Variants in ATP11A observed in about 807,000 individuals in gnomAD.
ATP11A encodes the protein phospholipid-transporting ATPase IH.
Under a neutral mutation model 154.4 loss-of-function variants are expected in ATP11A, and 81 were observed. The observed-to-expected ratio is 0.52, with a 90% confidence interval of 0.44 to 0.63. The LOEUF (loss-of-function observed/expected upper bound fraction) is 0.63, where lower values mean the gene tolerates loss of function less well. ATP11A is among the 30% of genes least tolerant of loss of function. ATP11A has a pLI of 0.00. For synonymous variants in ATP11A, 623 were observed against 585.9 expected, an observed-to-expected ratio of 1.06 and a Z score of -0.91; for missense variants, 1,316 against 1,474.3, an observed-to-expected ratio of 0.89 and a Z score of 1.76.
chr13:112,763,839 C>T (rs560452336), intron 1 of ATP11A, among the ~76,000 whole-genome samples: 4 of 152,262 alleles, frequency 2.6e-5, no homozygotes, highest in East Asian at 1.9e-4. Flanking sequence ...GCCAAACCAA[C>T]GCCACCTTCC....
intron 1 of ATP11A, among the ~76,000 whole-genome samples, chr13:112,704,744 T>A (rs1224886793): frequency 6.6e-6 from 1 of 152,242 alleles, no homozygotes; most frequent in African/African-American, 2.4e-5. Context: ...GGGAAGGAAG[T>A]GGCTGCCTAA....
At chr13:112,815,600 T>C (rs534391889) in intron 5 of ATP11A, among the ~76,000 whole-genome samples, 3 of 152,352 alleles carry the variant, frequency 2.0e-5, no homozygotes, top group Non-Finnish European at 2.9e-5. Flanking sequence ...AAAACCCACA[T>C]GATCAACTTT....
Position 112,730,207 on chromosome 13 carries a change from C to T in ATP11A, c.39+39752C>T, listed in dbSNP as rs551503642. On this transcript the variant is annotated intron_variant, in intron 1 of 29. Transcript: ENST00000375645. ...GCATCCTGCAGTCACATGGCAAGGG[C>T]GACCTCGGAGGAGTCCAATCTGCCA... is the stretch of plus-strand genomic sequence containing the variant. 1.5e-3 allele frequency among the ~76,000 whole-genome samples: 227 copies of T among 152,306 alleles called. 2 individuals carry two copies. Among genetic ancestry groups the T allele is most frequent in the African/African-American group, 5.2e-3 (216 of 41,566 alleles).
intron 12 of ATP11A, among the ~76,000 whole-genome samples, chr13:112,829,887 TACC>T (rs2079041585): frequency 6.6e-6 from 1 of 152,216 alleles, no homozygotes; most frequent in Non-Finnish European, 1.5e-5. Context: ...TGATTCTATA[TACC>T]AGACAAGAAA....
chr13:112,729,290 CTT>C (rs1354341909), intron 1 of ATP11A, among the ~76,000 whole-genome samples: 1 of 152,250 alleles, frequency 6.6e-6, no homozygotes, highest in Admixed American at 6.5e-5. Context: ...TTTTATCACT[CTT>C]TACTACGTTT....
At chr13:112,784,700 T>C (rs1257751816) in intron 1 of ATP11A, among the ~76,000 whole-genome samples, 2 of 152,122 alleles carry the variant, frequency 1.3e-5, no homozygotes, top group South Asian at 2.1e-4. Flanking sequence ...TTTTTTGTAT[T>C]TTTTAGTAGA....
chr13:112,815,739 G>A (rs553854044), intron 5 of ATP11A, among the ~76,000 whole-genome samples: 1 of 152,192 alleles, frequency 6.6e-6, no homozygotes, highest in Non-Finnish European at 1.5e-5. Flanking sequence ...TCGATTACCT[G>A]GTTCATAAAA....
chr13:112,781,838 A>G (rs1359353362), intron 1 of ATP11A, among the ~76,000 whole-genome samples: 1 of 151,434 alleles, frequency 6.6e-6, no homozygotes, highest in Non-Finnish European at 1.5e-5. Flanking sequence ...CAACACAAAG[A>G]GCTCCCTTTG....
intron 1 of ATP11A, among the ~76,000 whole-genome samples, chr13:112,740,423 C>T (rs1371793106): frequency 3.3e-5 from 5 of 152,190 alleles, no homozygotes; most frequent in African/African-American, 1.2e-4. Context: ...ATCCACCCAC[C>T]TCAGCCTCCC....
At chr13:112,702,447 C>A (rs542024603) in intron 1 of ATP11A, among the ~76,000 whole-genome samples, 3 of 152,282 alleles carry the variant, frequency 2.0e-5, no homozygotes, top group African/African-American at 7.2e-5. Flanking sequence ...GAAGCAGAGC[C>A]TCGGAAGGCG....
chr13:112,821,587 A>G (rs2078799005), intron 8 of ATP11A, among the ~76,000 whole-genome samples: 1 of 152,206 alleles, frequency 6.6e-6, no homozygotes, highest in Non-Finnish European at 1.5e-5. Flanking sequence ...TTGGGATTAT[A>G]GGCATGAGCC....
chr13:112,758,422 C>CT (rs958834689), intron 1 of ATP11A, among the ~76,000 whole-genome samples: 13 of 148,394 alleles, frequency 8.8e-5, no homozygotes, highest in East Asian at 2.0e-4. Flanking sequence ...CTTTTTTTTT[C>CT]TTTTTTTTCT....
intron 1 of ATP11A, among the ~76,000 whole-genome samples, chr13:112,744,303 GTA>G: frequency 6.6e-6 from 1 of 151,370 alleles, no homozygotes; most frequent in African/African-American, 2.5e-5. Flanking sequence ...GTGTGATGGA[GTA>G]TGGTGTTCTG....
At chr13:112,873,939 A>G (rs2080631443) in intron 27 of ATP11A, among the ~76,000 whole-genome samples, 1 of 152,212 alleles carries the variant, frequency 6.6e-6, no homozygotes, top group African/African-American at 2.4e-5. Flanking sequence ...ACGGAGGAAC[A>G]GACCAGGATT....
chr13:112,703,885 C>T lies in ATP11A; in HGVS notation c.39+13430C>T, dbSNP rs182851561. On this transcript the variant is annotated intron_variant, in intron 1 of 29. Coordinates refer to ENST00000375645, the MANE Select transcript of ATP11A (RefSeq NM_015205.3). The stretch of plus-strand genomic sequence containing the variant: ...AGATGTTAGGGTTTACATCACAAAA[C>T]GGGATTGGGCCTGTCTGCTCAGTAA... Among the ~76,000 whole-genome samples the T allele has an allele frequency of 1.9e-4, 29 of 152,256 alleles. No individual in the cohort carries two copies. In the East Asian group the frequency reaches 4.1e-3, roughly 21 times the overall value.
intron 2 of ATP11A, among the ~76,000 whole-genome samples, chr13:112,790,809 G>A (rs189115308): frequency 2.0e-5 from 3 of 152,186 alleles, no homozygotes; most frequent in Admixed American, 6.5e-5. Flanking sequence ...CATTTTTAAA[G>A]AATATTTTAC....
Position 112,859,397 on chromosome 13 carries a change from TC to T in ATP11A, c.2673del (p.Cys892AlafsTer26). ...CAGTTATGCCTTGCCTTTCAGAACG[TC>T]TGCTTCATCTTCCCTCAGTTTTTAT... ...ELVQYFFYKN[V>X]CFIFPQFLYQ... On this transcript the variant is annotated frameshift_variant, in exon 23 of 30. Coordinates refer to ENST00000375645, the MANE Select transcript of ATP11A (RefSeq NM_015205.3). This position sits in a 1 kb window ranked among gnomAD's most constrained non-coding sequence, Gnocchi z 4.3. 6.2e-7 allele frequency: 1 copy of T among 1,614,044 alleles called. No homozygotes were observed. The highest frequency in any genetic ancestry group is 8.5e-7 in the Non-Finnish European group (1 of 1,179,908).
intron 1 of ATP11A, among the ~76,000 whole-genome samples, chr13:112,702,293 C>T (rs1249393992): frequency 1.5e-4 from 22 of 146,474 alleles, no homozygotes; most frequent in African/African-American, 5.2e-4. Context: ...TTGCAGTGAG[C>T]CGAGATCGCA....
intron 1 of ATP11A, among the ~76,000 whole-genome samples, chr13:112,743,377 T>C (rs528376160): frequency 1.2e-4 from 18 of 152,296 alleles, no homozygotes; most frequent in African/African-American, 2.9e-4. Context: ...CTGCTAGCAC[T>C]GACGGCATAG....
Sources: gnomAD v4.1 joint callset for allele counts (sites outside exome capture counted in the v4.1 genomes callset) on GRCh38, gnomAD v4.1.1 for gene constraint, Gnocchi (gnomAD v3.1) non-coding constraint, MANE v1.5 for transcripts, NCBI Gene and HGNC (gene_info 2026-07-23, HGNC 2026-07-21) for gene names.